The following ADAMTS3 variants were observed in gnomAD, a reference collection of about 807,000 sequenced individuals.
The protein encoded by ADAMTS3 is A disintegrin and metalloproteinase with thrombospondin motifs 3.
In ADAMTS3, 73 loss-of-function variants were observed where a neutral mutation model predicts 129.0. The observed-to-expected ratio is 0.57, with a 90% CI of 0.47 to 0.69. The LOEUF (loss-of-function observed/expected upper bound fraction) is 0.69, where lower values mean the gene tolerates loss of function less well. Among genes scored for constraint, ADAMTS3 ranks in the 30% least tolerant of loss-of-function variants. The pLI is 0.00. For synonymous variants in ADAMTS3, 477 were observed against 510.8 expected (o/e 0.93, Z 0.89); for missense variants, 1,457 against 1,514.5 (o/e 0.96, Z 0.63).
intron 3 of ADAMTS3, among the ~76,000 whole-genome samples, chr4:72,518,698 T>A (rs541652846): frequency 6.3e-4 from 96 of 152,114 alleles, no homozygotes; most frequent in African/African-American, 2.2e-3. Context: ...TGGCAGATCT[T>A]CCTCTATCCT....
chr4:72,381,169 T>C (rs1721279523), intron 4 of ADAMTS3, among the ~76,000 whole-genome samples: 1 of 152,108 alleles, frequency 6.6e-6, no homozygotes. Context: ...TGGGGTGTTA[T>C]ATGGAGATTG....
chr4:72,415,462 G>A (rs1431940732), intron 3 of ADAMTS3, among the ~76,000 whole-genome samples: 1 of 151,920 alleles, frequency 6.6e-6, no homozygotes, highest in African/African-American at 2.4e-5. Flanking sequence ...GCTACCTTCA[G>A]TATGTAAAGT....
chr4:72,549,834 C>A (rs927073352), intron 2 of ADAMTS3, among the ~76,000 whole-genome samples: 3 of 149,368 alleles, frequency 2.0e-5, no homozygotes, highest in Non-Finnish European at 4.4e-5. Context: ...TTTTGTCTAT[C>A]AAAATGCAAA....
At chr4:72,551,246 T>C (rs143199502) in intron 2 of ADAMTS3, among the ~76,000 whole-genome samples, 54 of 152,202 alleles carry the variant, frequency 3.5e-4, no homozygotes, top group Admixed American at 3.3e-3. Context: ...GATGCATGGA[T>C]TAAGTGACTA....
At chr4:72,305,900 A>G (rs1278506481) in intron 16 of ADAMTS3, 87 bp downstream of exon 16, 7 of 1,112,698 alleles carry the variant, frequency 6.3e-6, no homozygotes, top group Non-Finnish European at 9.5e-6. Flanking sequence ...ATATGTGTAC[A>G]TATATACATA....
intron 3 of ADAMTS3, among the ~76,000 whole-genome samples, chr4:72,517,005 A>G (rs1409491655): frequency 6.6e-6 from 1 of 152,230 alleles, no homozygotes; most frequent in South Asian, 2.1e-4. Flanking sequence ...TTTGAGATAC[A>G]TCCCATCAAT....
intron 3 of ADAMTS3, among the ~76,000 whole-genome samples, chr4:72,523,590 C>T (rs1363876269): frequency 1.3e-5 from 2 of 152,026 alleles, no homozygotes; most frequent in Non-Finnish European, 2.9e-5. Flanking sequence ...AAACAAAGAT[C>T]TATATTTAAA....
chr4:72,467,842 G>A (rs181834567), intron 3 of ADAMTS3, among the ~76,000 whole-genome samples: 2 of 152,148 alleles, frequency 1.3e-5, no homozygotes, highest in African/African-American at 4.8e-5. Flanking sequence ...CATCCTTGAA[G>A]ACAGAACTAC....
intron 3 of ADAMTS3, among the ~76,000 whole-genome samples, chr4:72,531,335 A>G (rs943649928): frequency 6.6e-6 from 1 of 152,140 alleles, no homozygotes; most frequent in Admixed American, 6.5e-5. Context: ...GTGTCTATCA[A>G]GGGTTGATCT....
chr4:72,545,881 C>G (rs1398016637), intron 3 of ADAMTS3, among the ~76,000 whole-genome samples: 1 of 152,124 alleles, frequency 6.6e-6, no homozygotes, highest in African/African-American at 2.4e-5. Context: ...AAAACTTATG[C>G]CTATTTTTAG....
At chr4:72,470,515 A>C (rs965638574) in intron 3 of ADAMTS3, among the ~76,000 whole-genome samples, 8 of 151,610 alleles carry the variant, frequency 5.3e-5, no homozygotes, top group African/African-American at 1.9e-4. Flanking sequence ...CATTCTTAAA[A>C]TTATATCCAT....
intron 2 of ADAMTS3, among the ~76,000 whole-genome samples, chr4:72,558,533 T>C (rs921768977): frequency 1.3e-5 from 2 of 151,710 alleles, no homozygotes; most frequent in African/African-American, 4.9e-5. Flanking sequence ...TCAACCTCAA[T>C]TCCATCTGCA....
intron 3 of ADAMTS3, among the ~76,000 whole-genome samples, chr4:72,502,439 T>C (rs1267970162): frequency 6.6e-6 from 1 of 152,186 alleles, no homozygotes; most frequent in Admixed American, 6.5e-5. Flanking sequence ...TCATTTGTAT[T>C]CCTGTGGAAT....
chr4:72,361,449 A>G lies in ADAMTS3; in HGVS notation c.662-21756T>C, dbSNP rs145537058. On this transcript the variant is annotated intron_variant, in intron 4 of 21. Coordinates refer to ENST00000286657, the MANE Select transcript of ADAMTS3 (RefSeq NM_014243.3). ...AATATCAAATTCTTAAATAAGAAAG[A>G]CAGGTGTTTATTAGTGAGAGAGGGT... Among the ~76,000 whole-genome samples the G allele has an allele frequency of 7.9e-5, 12 of 152,306 alleles. No homozygotes were observed. The East Asian group carries it at 1.9e-3, about 24-fold the overall frequency.
chr4:72,369,604 G>A (rs1427182586), intron 4 of ADAMTS3, among the ~76,000 whole-genome samples: 1 of 151,942 alleles, frequency 6.6e-6, no homozygotes, highest in Non-Finnish European at 1.5e-5. Flanking sequence ...CCAGCTACTG[G>A]GGAGGCTGAG....
chr4:72,425,161 A>G (rs1722537753), intron 3 of ADAMTS3, among the ~76,000 whole-genome samples: 1 of 152,170 alleles, frequency 6.6e-6, no homozygotes, highest in African/African-American at 2.4e-5. Flanking sequence ...TCACAAATAT[A>G]TGAGTATTCT....
chr4:72,338,803 C>T (rs901396601), intron 5 of ADAMTS3, among the ~76,000 whole-genome samples: 3 of 151,836 alleles, frequency 2.0e-5, no homozygotes, highest in African/African-American at 4.8e-5. Flanking sequence ...AGGTGGTTTA[C>T]GTATTATTAT....
At chr4:72,305,770 T>C (rs1719068965) in intron 16 of ADAMTS3, among the ~76,000 whole-genome samples, 1 of 151,986 alleles carries the variant, frequency 6.6e-6, no homozygotes, top group Admixed American at 6.6e-5. Flanking sequence ...TGTACACACA[T>C]ATACACATGC....
intron 3 of ADAMTS3, among the ~76,000 whole-genome samples, chr4:72,503,881 G>C (rs1205124974): frequency 6.6e-6 from 1 of 151,984 alleles, no homozygotes; most frequent in African/African-American, 2.4e-5. Flanking sequence ...ACTGTTGTTG[G>C]TTTAATGTCT....
Sources: gnomAD v4.1 joint callset for allele counts (sites outside exome capture counted in the v4.1 genomes callset) on GRCh38, gnomAD v4.1.1 for gene constraint, MANE v1.5 for transcripts, NCBI Gene and HGNC (gene_info 2026-07-23, HGNC 2026-07-21) for gene names.